Variants in CDH18 observed in about 807,000 individuals in gnomAD.
The protein encoded by CDH18 is cadherin-18.
CDH18 carries 31 observed loss-of-function variants against 67.9 expected under a neutral mutation model. That is an observed-to-expected ratio of 0.46 (90% CI 0.34 to 0.62). The LOEUF (loss-of-function observed/expected upper bound fraction) is 0.62. Among genes scored for constraint, CDH18 ranks in the 20% least tolerant of loss-of-function variants. CDH18 has a pLI of 0.01. For synonymous variants in CDH18, 362 were observed against 347.2 expected (o/e 1.04, Z -0.48); for missense variants, 890 against 975.5 (o/e 0.91, Z 1.17).
intron 2 of CDH18, among the ~76,000 whole-genome samples, chr5:20,238,428 T>A (rs952130650): frequency 7.9e-5 from 12 of 152,148 alleles, no homozygotes; most frequent in Non-Finnish European, 2.9e-5. Context: ...AACAGCCATT[T>A]TTCCAAAGAA....
In CDH18 at chr5:20,047,701, T is replaced by C. The variant is rs868187213; in HGVS notation, c.-517-55687A>G. ...AGAAAAGCCATTAGGAAGCAGAGTA[T>C]TAACAAGTATCACCCAGAAAATAAA... On this transcript the variant is annotated intron_variant, in intron 2 of 14. Coordinates refer to the CDH18 transcript ENST00000507958. Among the ~76,000 whole-genome samples the C allele has an allele frequency of 3.3e-5, 5 of 151,784 alleles. No individual in the cohort carries two copies. In the South Asian group the frequency reaches 1.0e-3, roughly 31 times the overall value.
intron 10 of CDH18, among the ~76,000 whole-genome samples, chr5:19,519,034 C>T (rs542998168): frequency 1.3e-5 from 2 of 152,148 alleles, no homozygotes; most frequent in Admixed American, 6.5e-5. Flanking sequence ...TAGCTGTACC[C>T]GGTCAGGTAA....
chr5:20,402,711 T>C (rs1323898602), intron 1 of CDH18, among the ~76,000 whole-genome samples: 2 of 152,162 alleles, frequency 1.3e-5, no homozygotes, highest in African/African-American at 4.8e-5. Flanking sequence ...CAAAGGGCCT[T>C]GCCTTGATGT....
chr5:19,765,651 G>A (rs567593352), intron 3 of CDH18, among the ~76,000 whole-genome samples: 2 of 152,134 alleles, frequency 1.3e-5, no homozygotes, highest in East Asian at 1.9e-4. Context: ...TTGAGTCCTC[G>A]CTCTGGGAAT....
At chr5:19,949,550 T>G (rs924478459) in intron 2 of CDH18, among the ~76,000 whole-genome samples, 4 of 152,250 alleles carry the variant, frequency 2.6e-5, no homozygotes, top group Middle Eastern at 6.8e-3. Context: ...CTTAGTATTA[T>G]CAACTTTTGA....
At position 19,475,192 on chromosome 5, in the gene CDH18, GCA is replaced by G. The variant is rs34517461; in HGVS notation, c.1883-1478_1883-1477del. On this transcript the variant is annotated intron_variant, in intron 12 of 12. Coordinates refer to ENST00000382275, the MANE Select transcript of CDH18 (RefSeq NM_004934.5). ...AAACGTGAATTTGAGATCAATAACA[GCA>G]CACACACACACACACACACACACAT... 2.6e-3 allele frequency among the ~76,000 whole-genome samples: 380 copies of G among 145,934 alleles called. 1 individual carries two copies. Among genetic ancestry groups the G allele is most frequent in the East Asian group, 4.4e-3 (22 of 4,974 alleles).
chr5:20,489,484 T>G (rs922681766), intron 1 of CDH18, among the ~76,000 whole-genome samples: 2 of 152,096 alleles, frequency 1.3e-5, no homozygotes, highest in African/African-American at 4.8e-5. Context: ...CCTTCATACT[T>G]TTTTCTTTGT....
chr5:20,524,758 A>T (rs1035549947), intron 1 of CDH18, among the ~76,000 whole-genome samples: 1 of 152,176 alleles, frequency 6.6e-6, no homozygotes, highest in African/African-American at 2.4e-5. Context: ...CAGGTCCTTT[A>T]TCAGTGTTCT....
chr5:20,380,236 G>A (rs556704178), intron 1 of CDH18, among the ~76,000 whole-genome samples: 6 of 152,080 alleles, frequency 3.9e-5, no homozygotes, highest in Non-Finnish European at 8.8e-5. Flanking sequence ...ACTAAGTACT[G>A]CAAATTTGGG....
intron 5 of CDH18, among the ~76,000 whole-genome samples, chr5:19,709,492 G>T (rs1764421909): frequency 6.6e-6 from 1 of 151,700 alleles, no homozygotes; most frequent in African/African-American, 2.4e-5. Context: ...ACTTGAAACT[G>T]GGAGGCAGAG....
At position 20,306,288 on chromosome 5, in the gene CDH18, A is replaced by G. The variant is rs1736444870; in HGVS notation, c.-579-50783T>C. 2.0e-5 allele frequency among the ~76,000 whole-genome samples: 3 copies of G among 149,588 alleles called. No homozygotes were observed. The South Asian group carries it at 6.4e-4, about 32-fold the overall frequency. ...TTCTATGAGATCACAGTCCTATTCA[A>G]TAGCAGGTTTTTTTCATATTTCCAA... On this transcript the variant is annotated intron_variant, in intron 1 of 14. Transcript: ENST00000507958.
intron 7 of CDH18, among the ~76,000 whole-genome samples, chr5:19,581,099 T>A (rs1743178618): frequency 6.6e-6 from 1 of 151,996 alleles, no homozygotes; most frequent in African/African-American, 2.4e-5. Flanking sequence ...TCTCAGCCCT[T>A]GCTAGAAGTG....
intron 1 of CDH18, among the ~76,000 whole-genome samples, chr5:20,407,446 A>G (rs60060740): frequency 0.11 from 16,076 of 151,456 alleles, 1,065 homozygotes; most frequent in East Asian, 0.25. Flanking sequence ...AAGTCAATCC[A>G]TGAAGATTGG....
At chr5:19,537,417 C>G (rs987875750) in intron 9 of CDH18, among the ~76,000 whole-genome samples, 10 of 151,996 alleles carry the variant, frequency 6.6e-5, no homozygotes, top group African/African-American at 2.4e-4. Flanking sequence ...ATTTCCAGAT[C>G]TCAATATATG....
At chr5:19,914,801 T>C (rs1255901801) in intron 2 of CDH18, among the ~76,000 whole-genome samples, 1 of 152,032 alleles carries the variant, frequency 6.6e-6, no homozygotes, top group Non-Finnish European at 1.5e-5. Flanking sequence ...AAGTCAATAG[T>C]TTCCTAAGAG....
chr5:19,892,133 A>T (rs2150086299), intron 2 of CDH18, among the ~76,000 whole-genome samples: 1 of 152,326 alleles, frequency 6.6e-6, no homozygotes, highest in Admixed American at 6.5e-5. Flanking sequence ...AATAGGAAAC[A>T]ATAGAAATAA....
chr5:19,924,729 T>C (rs991558014), intron 2 of CDH18, among the ~76,000 whole-genome samples: 1 of 152,178 alleles, frequency 6.6e-6, no homozygotes, highest in Admixed American at 6.6e-5. Flanking sequence ...GTGAATTCTA[T>C]GAAGTAGACA....
At chr5:19,994,439 C>A (rs1330117754) in intron 2 of CDH18, among the ~76,000 whole-genome samples, 1 of 150,346 alleles carries the variant, frequency 6.7e-6, no homozygotes, top group Admixed American at 6.7e-5. Context: ...TAATGTCATC[C>A]CAAGTTTTTG....
intron 2 of CDH18, among the ~76,000 whole-genome samples, chr5:20,248,549 C>T (rs1743562350): frequency 6.6e-6 from 1 of 152,174 alleles, no homozygotes; most frequent in African/African-American, 2.4e-5. Context: ...TTCTCTGATG[C>T]CATTTCCAGA....
Sources: allele counts gnomAD v4.1 joint callset (sites outside exome capture counted in the v4.1 genomes callset), GRCh38; gene constraint gnomAD v4.1.1; transcripts MANE v1.5; gene names NCBI Gene and HGNC (gene_info 2026-07-23, HGNC 2026-07-21).